HBG1: variants seen among roughly 807,000 people sequenced by gnomAD.
HBG1 encodes hemoglobin subunit gamma 1.
HBG1 carries 1 observed loss-of-function variant against 5.9 expected under a neutral mutation model. The observed-to-expected ratio is 0.17, with a 90% CI of 0.06 to 0.81. HBG1 has a LOEUF of 0.81. Ranked by LOEUF, HBG1 falls within the 30% of genes least tolerant of loss-of-function variation. The pLI is 0.73. For missense variants in HBG1, 57 were observed against 122.0 expected (o/e 0.47, Z 2.51); for synonymous variants, 19 against 50.5 (o/e 0.38, Z 2.64).
chr11:5,249,067 C>G, intron 2 of HBG1, among the ~76,000 whole-genome samples: 1 of 125,030 alleles, frequency 8.0e-6, no homozygotes, highest in African/African-American at 3.0e-5. Context: ...TGTTTTAAAA[C>G]AACAAAAATG....
At chr11:5,248,859 C>T (rs1847913670) in intron 2 of HBG1, among the ~76,000 whole-genome samples, 1 of 150,326 alleles carries the variant, frequency 6.7e-6, no homozygotes. Flanking sequence ...CACCCCTGGA[C>T]ATACTTTGCC....
intron 2 of HBG1, among the ~76,000 whole-genome samples, chr11:5,248,764 ACACACACG>A (rs1564884528): frequency 1.2e-5 from 1 of 80,462 alleles, no homozygotes; most frequent in African/African-American, 4.7e-5. Flanking sequence ...TGACACACAC[ACACACACG>A]CGCGCGCGCA....
At chr11:5,248,600 C>T (rs1486107812) in intron 2 of HBG1, 113 bp from the exon 3 acceptor site, 1 of 1,227,952 alleles carries the variant, frequency 8.1e-7, no homozygotes, top group African/African-American at 1.6e-5. Context: ...CCTATGTTAA[C>T]TTCCCTCAAA....
At position 5,248,625 on chromosome 11, in the gene HBG1, C is replaced by A; in HGVS notation, c.316-138G>T. On this transcript the variant is annotated intron_variant, in intron 2 of 2. Coordinates refer to ENST00000330597, the MANE Select transcript of HBG1 (RefSeq NM_000559.3). The stretch of plus-strand genomic sequence containing the variant: ...CTTCCCTCAAAGCCTGAGATTTTGC[C>A]TTCCCATTAAATGCAGGTAGTTGTT... The A allele has an allele frequency of 3.5e-6, 4 of 1,155,938 alleles. No homozygotes were observed. In the South Asian group the frequency reaches 5.1e-5, roughly 15 times the overall value. The allele number at this position is 1,155,938 out of a possible 1,614,324, so 71.6% of individuals were successfully genotyped here.
chr11:5,248,650 TCCC>T (rs1372451775), intron 2 of HBG1, among the ~76,000 whole-genome samples, 163 bp from the exon 3 acceptor site: 4 of 149,982 alleles, frequency 2.7e-5, no homozygotes, highest in African/African-American at 7.6e-5. Context: ...AGGTAGTTGT[TCCC>T]CTTCAAGCAC....
intron 2 of HBG1, 92 bp downstream of exon 2, chr11:5,249,276 A>G: frequency 1.2e-6 from 1 of 827,856 alleles, no homozygotes; most frequent in East Asian, 2.7e-5. Context: ...ATCTTCAAAC[A>G]GCTCACACCC....
rs1044043206 is a variant in HBG1 at position 5,249,852 on chromosome 11, G to A, written c.-48C>T. ...TGATAACCTCAGACGTTCCAGAAGC[G>A]AGTGTGTGGAACTGCTGAAGGGTGC... On this transcript the variant is annotated 5_prime_UTR_variant, in exon 1 of 3. Coordinates refer to ENST00000330597, the MANE Select transcript of HBG1 (RefSeq NM_000559.3). The A allele has an allele frequency of 1.5e-5, 4 of 273,406 alleles. No individual in the cohort carries two copies. The highest frequency in any genetic ancestry group is 1.4e-4 in the East Asian group (2 of 14,462). 16.9% of individuals were successfully genotyped at this position (273,406 alleles called of 1,614,324 possible). A position where few individuals can be genotyped will look rare whatever the true frequency, so the allele number is the denominator to read the frequency against.
In HBG1 at chr11:5,248,768, ACACGCGCGCGCG is replaced by A. The variant is rs1324656490; in HGVS notation, c.316-293_316-282del. On this transcript the variant is annotated intron_variant, in intron 2 of 2. Coordinates refer to ENST00000330597, the MANE Select transcript of HBG1 (RefSeq NM_000559.3). ...GAAACACACGCTGACACACACACAC[ACACGCGCGCGCG>A]CACACACACACACACACACAGAGCT... is the stretch of plus-strand genomic sequence containing the variant. 8.9e-5 allele frequency among the ~76,000 whole-genome samples: 7 copies of A among 78,538 alleles called. No homozygotes were observed. The East Asian group carries it at 1.5e-3, about 17-fold the overall frequency. 51.5% of individuals were successfully genotyped at this position (78,538 alleles called of 152,430 possible).
Position 5,248,450 on chromosome 11 carries a change from T to G in HBG1, c.353A>C (p.His118Pro). Residue 118 changes from histidine (H) to proline (P), a missense_variant, in exon 3 of 3, where the codon CAT becomes CCT. His to Pro is a moderately conservative substitution (Grantham distance 77). Transcript: ENST00000330597. ...GNVLVTVLAI[H>P]FGKEFTPEVQ... ...CTCAGGGGTGAATTCTTTGCCGAAATGGATTGCCAAAACGGTCACCAGCAC... is the reference window on the plus strand; with the variant it reads ...CTCAGGGGTGAATTCTTTGCCGAAAGGGATTGCCAAAACGGTCACCAGCAC... The G allele has an allele frequency of 1.2e-6, 2 of 1,613,808 alleles. No homozygotes were observed. The highest frequency in any genetic ancestry group is 1.7e-6 in the Non-Finnish European group (2 of 1,179,796).
In HBG1 at chr11:5,248,273, T is replaced by C. The variant is rs2133607751; in HGVS notation, c.*86A>G. ...AAAAAGAGCTGAAGAAAATCATGTG[T>C]GATCTCTCAGCAGAATAGATTTATT... On this transcript the variant is annotated 3_prime_UTR_variant, in exon 3 of 3. Coordinates refer to ENST00000330597, the MANE Select transcript of HBG1 (RefSeq NM_000559.3). 1 of 1,559,162 alleles carries C rather than the reference T, an allele frequency of 6.4e-7. No individual in the cohort carries two copies. The highest frequency in any genetic ancestry group is 1.1e-5 in the South Asian group (1 of 89,082).
chr11:5,249,035 A>G lies in HBG1; in HGVS notation c.315+333T>C, dbSNP rs1175680754. 1.4e-5 allele frequency among the ~76,000 whole-genome samples: 2 copies of G among 138,368 alleles called. 1 individual carries two copies. The highest frequency in any genetic ancestry group is 5.5e-5 in the African/African-American group (2 of 36,394). 90.8% of individuals were successfully genotyped at this position (138,368 alleles called of 152,430 possible). A position where few individuals can be genotyped will look rare whatever the true frequency, so the allele number is the denominator to read the frequency against. ...CTGCCTGCATCTTTTTAACGACCAT[A>G]CTTGTCCTGCCTCCAGATAGATGTT... On this transcript the variant is annotated intron_variant, in intron 2 of 2. Coordinates refer to ENST00000330597, the MANE Select transcript of HBG1 (RefSeq NM_000559.3).
In HBG1 at chr11:5,248,482, C is replaced by T. The variant is rs1418711647; in HGVS notation, c.321G>A (p.Leu107=). ...LHVDPENFKL[L]GNVLVTVLAI... is the part of the protein sequence containing the mutation. ...CCAAAACGGTCACCAGCACATTTCC[C>T]AGGAGCTGTTGAGATGAAAGGAGAC... Residue 107 remains leucine, a synonymous_variant, in exon 3 of 3, where the codon CTG becomes CTA. Coordinates refer to ENST00000330597, the MANE Select transcript of HBG1 (RefSeq NM_000559.3). 6.2e-7 allele frequency: 1 copy of T among 1,612,948 alleles called. No homozygotes were observed. The highest frequency in any genetic ancestry group is 8.5e-7 in the Non-Finnish European group (1 of 1,179,362).
intron 2 of HBG1, among the ~76,000 whole-genome samples, chr11:5,248,817 T>A (rs1453219862): frequency 6.8e-6 from 1 of 147,108 alleles, no homozygotes; most frequent in Non-Finnish European, 1.5e-5. Context: ...ACTTTCAAAA[T>A]CTACTCCAGC....
rs111434088 is a variant in HBG1, at chr11:5,248,790, A to G, written c.316-303T>C. Among the ~76,000 whole-genome samples, 405 of 145,948 alleles carry G rather than the reference A, an allele frequency of 2.8e-3. 1 individual carries two copies. The highest frequency in any genetic ancestry group is 0.01 in the Middle Eastern group (3 of 286). On this transcript the variant is annotated intron_variant, in intron 2 of 2. Transcript: ENST00000330597. ...CACACACGCGCGCGCGCACACACACACACACACACAGAGCTGACTTTCAAA... is the reference window on the plus strand; with the variant it reads ...CACACACGCGCGCGCGCACACACACGCACACACACAGAGCTGACTTTCAAA...
chr11:5,249,336 G>C (rs774930728), intron 2 of HBG1, 32 bp downstream of exon 2: 1 of 1,129,578 alleles, frequency 8.9e-7, no homozygotes, highest in Admixed American at 1.9e-5. Flanking sequence ...CGAGACTAAA[G>C]GCAACAGGGC....
intron 2 of HBG1, 88 bp from the exon 3 acceptor site, chr11:5,248,575 C>A (rs1161903326): frequency 2.1e-5 from 27 of 1,260,398 alleles, no homozygotes; most frequent in Admixed American, 1.6e-4. Flanking sequence ...CACCAAGCTT[C>A]CACCCAGAAT....
chr11:5,248,770 A>G lies in HBG1; in HGVS notation c.316-283T>C, dbSNP rs575893763. 4.6e-3 allele frequency among the ~76,000 whole-genome samples: 416 copies of G among 90,722 alleles called. 3 individuals are homozygous for G. Among genetic ancestry groups the G allele is most frequent in the Non-Finnish European group, 7.9e-3 (254 of 32,024 alleles). 59.5% of individuals were successfully genotyped at this position (90,722 alleles called of 152,430 possible). A position where few individuals can be genotyped will look rare whatever the true frequency, so the allele number is the denominator to read the frequency against. ...AACACACGCTGACACACACACACAC[A>G]CGCGCGCGCGCACACACACACACAC... is the stretch of plus-strand genomic sequence containing the variant. On this transcript the variant is annotated intron_variant, in intron 2 of 2. Coordinates refer to ENST00000330597, the MANE Select transcript of HBG1 (RefSeq NM_000559.3).
chr11:5,248,780 GCACACA>G (rs1292097599), intron 2 of HBG1, among the ~76,000 whole-genome samples: 4 of 113,074 alleles, frequency 3.5e-5, no homozygotes, highest in East Asian at 2.1e-4. Context: ...ACGCGCGCGC[GCACACA>G]CACACACACA....
chr11:5,249,192 C>T lies in HBG1; in HGVS notation c.315+176G>A, dbSNP rs544349213. Reference sequence around the variant, plus strand: ...TCCATCTAGATTTTTAGAGGCACTCCTTAGGCCCTAAAACATTACCACTGG... The same window carrying T: ...TCCATCTAGATTTTTAGAGGCACTCTTTAGGCCCTAAAACATTACCACTGG... On this transcript the variant is annotated intron_variant, in intron 2 of 2. Transcript: ENST00000330597. 1.6e-4 allele frequency among the ~76,000 whole-genome samples: 21 copies of T among 133,058 alleles called. 4 individuals are homozygous for T. Among genetic ancestry groups the T allele is most frequent in the African/African-American group, 5.4e-4 (19 of 34,936 alleles). 87.3% of individuals were successfully genotyped at this position (133,058 alleles called of 152,430 possible).
Sources: gnomAD v4.1 joint callset for allele counts (sites outside exome capture counted in the v4.1 genomes callset) on GRCh38, gnomAD v4.1.1 for gene constraint, MANE v1.5 for transcripts, NCBI Gene and HGNC (gene_info 2026-07-23, HGNC 2026-07-21) for gene names.